FAM120A: variants seen among roughly 807,000 people sequenced by gnomAD.
FAM120A encodes constitutive coactivator of PPAR-gamma-like protein 1.
FAM120A carries 15 observed loss-of-function variants against 109.7 expected under a neutral mutation model. The observed-to-expected ratio is 0.14, with a 90% confidence interval of 0.09 to 0.21. The LOEUF (loss-of-function observed/expected upper bound fraction) is 0.21, where lower values mean the gene tolerates loss of function less well. Ranked by LOEUF, FAM120A falls within the 10% of genes least tolerant of loss-of-function variation. FAM120A has a pLI of 1.00. For synonymous variants in FAM120A, 493 were observed against 572.8 expected, an observed-to-expected ratio of 0.86 and a Z score of 1.99; for missense variants, 899 against 1,439.3, an observed-to-expected ratio of 0.62 and a Z score of 6.07.
intron 12 of FAM120A, among the ~76,000 whole-genome samples, chr9:93,552,695 T>C (rs140521161): frequency 8.6e-4 from 131 of 152,358 alleles, no homozygotes; most frequent in African/African-American, 3.0e-3. Context: ...AATTCAGTGA[T>C]AGAAAATTAA....
intron 1 of FAM120A, among the ~76,000 whole-genome samples, chr9:93,466,830 CTTT>C (rs1858043532): frequency 6.6e-6 from 1 of 152,144 alleles, no homozygotes; most frequent in African/African-American, 2.4e-5. Context: ...TTTGTAGTTT[CTTT>C]CTCTGACAGT....
chr9:93,535,498 T>C (rs1446665718), intron 10 of FAM120A, among the ~76,000 whole-genome samples: 1 of 152,244 alleles, frequency 6.6e-6, no homozygotes, highest in Non-Finnish European at 1.5e-5. Flanking sequence ...GTTAATGTGC[T>C]ATGACAAATA....
At chr9:93,549,775 G>T (rs1862030224) in intron 11 of FAM120A, among the ~76,000 whole-genome samples, 1 of 152,208 alleles carries the variant, frequency 6.6e-6, no homozygotes, top group African/African-American at 2.4e-5. Flanking sequence ...CAAGTTTATG[G>T]AATGCAAAGA....
At chr9:93,521,620 T>G (rs1860848549) in intron 7 of FAM120A, among the ~76,000 whole-genome samples, 1 of 151,482 alleles carries the variant, frequency 6.6e-6, no homozygotes, top group Admixed American at 6.6e-5. Context: ...AGGAATGAAG[T>G]GTGTGGCTTT....
At position 93,556,605 on chromosome 9, in the gene FAM120A, C is replaced by T; in HGVS notation, c.2484+14C>T. The T allele has an allele frequency of 6.2e-7, 1 of 1,612,826 alleles. No homozygotes were observed. Among genetic ancestry groups the T allele is most frequent in the Non-Finnish European group, 8.5e-7 (1 of 1,178,802 alleles). ...TGTGATGGTCAGGTATGCTGCGGGGCCGGGTGGCTGCCTTTAACTGCAATG... is the reference window on the plus strand; with the variant it reads ...TGTGATGGTCAGGTATGCTGCGGGGTCGGGTGGCTGCCTTTAACTGCAATG... On this transcript the variant is annotated intron_variant, in intron 13 of 17. Coordinates refer to ENST00000277165, the MANE Select transcript of FAM120A (RefSeq NM_014612.5).
chr9:93,561,028 G>T (rs994631993), intron 15 of FAM120A, 81 bp from the exon 16 acceptor site: 3 of 1,497,990 alleles, frequency 2.0e-6, no homozygotes, highest in South Asian at 2.3e-5. Flanking sequence ...AAACTGAAAA[G>T]AAGTTTCTTG....
At chr9:93,464,765 C>G (rs535271039) in intron 1 of FAM120A, among the ~76,000 whole-genome samples, 1 of 152,222 alleles carries the variant, frequency 6.6e-6, no homozygotes, top group East Asian at 1.9e-4. Context: ...GCTCATAGTT[C>G]GAAGTCTGAT....
chr9:93,480,206 C>A (rs1431477650), intron 3 of FAM120A, among the ~76,000 whole-genome samples: 1 of 152,194 alleles, frequency 6.6e-6, no homozygotes, highest in Admixed American at 6.5e-5. Flanking sequence ...AAGACTACTT[C>A]ATTTATGTTC....
At chr9:93,509,355 G>A (rs1860210046) in intron 5 of FAM120A, among the ~76,000 whole-genome samples, 1 of 152,190 alleles carries the variant, frequency 6.6e-6, no homozygotes, top group Admixed American at 6.5e-5. Context: ...TCGGGGGTTG[G>A]GACTGACCAA....
intron 5 of FAM120A, among the ~76,000 whole-genome samples, chr9:93,511,400 G>A (rs1214980746): frequency 6.6e-6 from 1 of 152,174 alleles, no homozygotes; most frequent in Non-Finnish European, 1.5e-5. Context: ...GCCTCCCTGG[G>A]CACTGACATT....
intron 5 of FAM120A, among the ~76,000 whole-genome samples, chr9:93,514,069 T>A (rs1860459690): frequency 6.6e-6 from 1 of 152,176 alleles, no homozygotes; most frequent in African/African-American, 2.4e-5. Context: ...GACTCACAGT[T>A]CAGCATGGCT....
rs183079143 is a variant in FAM120A at position 93,453,238 on chromosome 9, C to G, written c.474+849C>G. 5.7e-4 allele frequency: 567 copies of G among 994,396 alleles called. 4 individuals are homozygous for G. In the African/African-American group the frequency reaches 9.0e-3, roughly 16 times the overall value. The allele number at this position is 994,396 out of a possible 1,614,324, so 61.6% of individuals were successfully genotyped here. ...AAGTATTCAGTGACCTTCAGCGGTG[C>G]CCTGACGGGTGGGTAATCAGAGCTC... is the stretch of plus-strand genomic sequence containing the variant. On this transcript the variant is annotated intron_variant, in intron 1 of 17. Transcript: ENST00000277165.
chr9:93,477,736 A>G (rs1421800005), intron 3 of FAM120A, among the ~76,000 whole-genome samples: 3 of 152,244 alleles, frequency 2.0e-5, no homozygotes, highest in African/African-American at 7.2e-5. Context: ...GTTTCTGGCT[A>G]TATGTGTATG....
chr9:93,535,883 A>G (rs1441686055), intron 10 of FAM120A, among the ~76,000 whole-genome samples: 2 of 152,244 alleles, frequency 1.3e-5, no homozygotes, highest in Admixed American at 6.5e-5. Context: ...ATCTGTGTTC[A>G]TGAACATTGC....
At position 93,452,760 on chromosome 9, in the gene FAM120A, T is replaced by C; in HGVS notation, c.474+371T>C. On this transcript the variant is annotated intron_variant, in intron 1 of 17. Coordinates refer to ENST00000277165, the MANE Select transcript of FAM120A (RefSeq NM_014612.5). The surrounding 1 kb of genome is among the most constrained non-coding windows in gnomAD (Gnocchi z 7.0). ...CTCACCTTCAACTTTGACAAAATAC[T>C]CCCTTTTCTAATTTAGCCTGTTCTT... is the stretch of plus-strand genomic sequence containing the variant. 6.3e-7 allele frequency: 1 copy of C among 1,597,070 alleles called. No individual in the cohort carries two copies. The highest frequency in any genetic ancestry group is 8.5e-7 in the Non-Finnish European group (1 of 1,179,516).
intron 1 of FAM120A, among the ~76,000 whole-genome samples, chr9:93,467,787 A>G (rs182752100): frequency 9.3e-4 from 142 of 152,284 alleles, no homozygotes; most frequent in African/African-American, 3.2e-3. Context: ...TCTAAAGTCA[A>G]GTGTTCTCAG....
rs1564364368 is a variant in FAM120A, at chr9:93,564,361, C to G, written c.3178C>G (p.Pro1060Ala). Residue 1060 changes from proline to alanine, a missense_variant, in exon 18 of 18, where the codon CCG becomes GCG. This residue lies in a region of FAM120A where 170 missense variants were observed against 205.0 expected (regional missense o/e 0.83). Coordinates refer to ENST00000277165, the MANE Select transcript of FAM120A (RefSeq NM_014612.5). ...AENGVMAEEKPAPQMNGSTGD... is the reference protein window; with the variant it reads ...AENGVMAEEKAAPQMNGSTGD... The stretch of plus-strand genomic sequence containing the variant: ...AAACGGAGTGATGGCCGAGGAGAAG[C>G]CGGCTCCCCAGATGAACGGGAGCAC... The G allele has an allele frequency of 8.7e-6, 14 of 1,614,196 alleles. No homozygotes were observed. In the Middle Eastern group the frequency reaches 2.1e-3, roughly 247 times the overall value.
chr9:93,503,626 A>G (rs1441142413), intron 5 of FAM120A, among the ~76,000 whole-genome samples: 1 of 152,132 alleles, frequency 6.6e-6, no homozygotes, highest in African/African-American at 2.4e-5. Context: ...ACTATTCTGT[A>G]TGATACTGTA....
At chr9:93,494,845 C>T (rs553368038) in intron 3 of FAM120A, among the ~76,000 whole-genome samples, 70 of 152,242 alleles carry the variant, frequency 4.6e-4, no homozygotes, top group Non-Finnish European at 7.8e-4. Context: ...GCCTCTGGCA[C>T]GGGTGACATT....
Sources: allele counts gnomAD v4.1 joint callset (sites outside exome capture counted in the v4.1 genomes callset), GRCh38; gene constraint gnomAD v4.1.1; regional missense constraint gnomAD v4.1.1; non-coding constraint Gnocchi (gnomAD v3.1); transcripts MANE v1.5; gene names NCBI Gene and HGNC (gene_info 2026-07-23, HGNC 2026-07-21).